RARB: variants seen among roughly 807,000 people sequenced by gnomAD.
RARB encodes retinoic acid receptor beta.
RARB carries 17 observed loss-of-function variants against 51.9 expected under a neutral mutation model. The ratio of observed to expected loss-of-function variants is 0.33; its 90% CI spans 0.22 to 0.49. The LOEUF (loss-of-function observed/expected upper bound fraction) is 0.49. RARB is among the 20% of genes least tolerant of loss of function. RARB has a pLI of 0.99. For missense variants in RARB, 369 were observed against 550.8 expected (o/e 0.67, Z 3.30); for synonymous variants, 215 against 195.4 (o/e 1.10, Z -0.84).
chr3:24,980,556 C>T (rs888482230), intron 2 of RARB, among the ~76,000 whole-genome samples: 10 of 152,072 alleles, frequency 6.6e-5, no homozygotes, highest in African/African-American at 9.7e-5. Context: ...TTGATCGAAT[C>T]GGCTTGTGAA....
intron 3 of RARB, among the ~76,000 whole-genome samples, chr3:25,086,659 T>C (rs894810070): frequency 6.6e-6 from 1 of 152,022 alleles, no homozygotes; most frequent in Non-Finnish European, 1.5e-5. Flanking sequence ...AGATGTACAT[T>C]GGTTCGGTCT....
chr3:25,403,160 C>CAAAAAAAAA (rs532977113), intron 5 of RARB, among the ~76,000 whole-genome samples: 1 of 86,386 alleles, frequency 1.2e-5, no homozygotes, highest in Non-Finnish European at 2.4e-5. Flanking sequence ...GACTGCATCT[C>CAAAAAAAAA]AAAAAAAAAA....
chr3:25,420,423 C>T (rs79165705), intron 5 of RARB, among the ~76,000 whole-genome samples: 177 of 152,264 alleles, frequency 1.2e-3, no homozygotes, highest in Middle Eastern at 0.01. Context: ...CATTTCAAAT[C>T]CTGGGATGCT....
chr3:25,121,317 G>A (rs1699779948), intron 3 of RARB, among the ~76,000 whole-genome samples: 1 of 152,054 alleles, frequency 6.6e-6, no homozygotes, highest in Admixed American at 6.6e-5. Context: ...GAATAAACCA[G>A]AGAAGCCATA....
chr3:25,449,051 C>G (rs1425113643), intron 1 of RARB, among the ~76,000 whole-genome samples: 1 of 152,026 alleles, frequency 6.6e-6, no homozygotes, highest in African/African-American at 2.4e-5. Context: ...GTATATGTGG[C>G]CTTCAGGTGA....
intron 5 of RARB, among the ~76,000 whole-genome samples, chr3:25,357,404 G>C (rs776311744): frequency 6.6e-6 from 1 of 152,134 alleles, no homozygotes; most frequent in Non-Finnish European, 1.5e-5. Flanking sequence ...GTAGATTCTG[G>C]ATATTAGCCC....
chr3:25,354,733 A>G (rs1476583846), intron 5 of RARB, among the ~76,000 whole-genome samples: 1 of 152,068 alleles, frequency 6.6e-6, no homozygotes, highest in Non-Finnish European at 1.5e-5. Context: ...TGTATTGGAG[A>G]CAGGGTTAGA....
upstream of RARB, among the ~76,000 whole-genome samples, chr3:25,428,046 T>A (rs1190262092): frequency 6.6e-6 from 1 of 152,110 alleles, no homozygotes; most frequent in East Asian, 1.9e-4. Flanking sequence ...GTATTGTTTT[T>A]AAGGTGAGAA....
intron 5 of RARB, among the ~76,000 whole-genome samples, chr3:25,365,044 G>A (rs770236899): frequency 6.6e-6 from 1 of 151,714 alleles, no homozygotes; most frequent in Non-Finnish European, 1.5e-5. Context: ...GATATTTGGG[G>A]GATATCTAGA....
intron 4 of RARB, among the ~76,000 whole-genome samples, chr3:25,155,065 T>A (rs1700352066): frequency 6.6e-6 from 1 of 152,246 alleles, no homozygotes; most frequent in African/African-American, 2.4e-5. Flanking sequence ...TTATTTCTTC[T>A]CATTGCCATT....
intron 5 of RARB, among the ~76,000 whole-genome samples, chr3:25,260,634 G>A (rs1702976149): frequency 6.6e-6 from 1 of 152,050 alleles, no homozygotes. Flanking sequence ...CTGCCCACTA[G>A]AGGAAAAGGG....
At chr3:24,857,462 T>C (rs1320948795) in intron 1 of RARB, among the ~76,000 whole-genome samples, 4 of 152,236 alleles carry the variant, frequency 2.6e-5, no homozygotes, top group Admixed American at 2.6e-4. Context: ...ATATATTTTT[T>C]AGCATAATTA....
chr3:24,839,052 G>A (rs1292405617), intron 1 of RARB, among the ~76,000 whole-genome samples: 2 of 151,756 alleles, frequency 1.3e-5, no homozygotes, highest in African/African-American at 2.4e-5. Context: ...TTAGTCATAT[G>A]GACTAAAGTA....
At chr3:25,299,015 C>T (rs1267292855) in intron 5 of RARB, among the ~76,000 whole-genome samples, 1 of 152,170 alleles carries the variant, frequency 6.6e-6, no homozygotes, top group African/African-American at 2.4e-5. Flanking sequence ...CATAGACTTG[C>T]ATAGTTATTT....
intron 5 of RARB, among the ~76,000 whole-genome samples, chr3:25,363,808 C>T (rs1470843221): frequency 6.6e-6 from 1 of 152,200 alleles, no homozygotes; most frequent in Non-Finnish European, 1.5e-5. Context: ...CTGTGGCACC[C>T]CTCAGCTTCA....
intron 3 of RARB, among the ~76,000 whole-genome samples, chr3:25,119,802 G>A (rs1048932087): frequency 1.3e-5 from 2 of 152,112 alleles, no homozygotes; most frequent in African/African-American, 2.4e-5. Context: ...TAGACTATAA[G>A]ATGCCTAGAG....
chr3:25,294,881 C>A (rs936992962), intron 5 of RARB, among the ~76,000 whole-genome samples: 2 of 152,132 alleles, frequency 1.3e-5, no homozygotes, highest in African/African-American at 2.4e-5. Flanking sequence ...TCATTCCCTG[C>A]CTTTACCCTG....
chr3:24,871,339 G>A (rs1465626319), intron 2 of RARB, among the ~76,000 whole-genome samples: 1 of 152,106 alleles, frequency 6.6e-6, no homozygotes, highest in Non-Finnish European at 1.5e-5. Flanking sequence ...TCAATCAAAT[G>A]GTCAATTCTC....
At chr3:25,042,638 G>C (rs1172665236) in intron 2 of RARB, among the ~76,000 whole-genome samples, 1 of 152,298 alleles carries the variant, frequency 6.6e-6, no homozygotes. Flanking sequence ...GCTCTGGTTT[G>C]TGCCACTTGA....
Sources: allele counts gnomAD v4.1 joint callset (sites outside exome capture counted in the v4.1 genomes callset), GRCh38; gene constraint gnomAD v4.1.1; transcripts MANE v1.5; gene names NCBI Gene and HGNC (gene_info 2026-07-23, HGNC 2026-07-21).